AQP3: variants seen among roughly 807,000 people sequenced by gnomAD.
AQP3 encodes the protein aquaporin-3.
AQP3 carries 15 observed loss-of-function variants against 30.3 expected under a neutral mutation model. The ratio of observed to expected loss-of-function variants is 0.49; its 90% CI spans 0.33 to 0.76. The LOEUF (loss-of-function observed/expected upper bound fraction) is 0.76. Ranked by LOEUF, AQP3 falls within the 30% of genes least tolerant of loss-of-function variation. The probability of loss-of-function intolerance (pLI) is 0.02; values close to 1 mark genes in which losing one functional copy is unlikely to be tolerated. For synonymous variants in AQP3, 153 were observed against 163.2 expected (o/e 0.94, Z 0.47); for missense variants, 272 against 384.8 (o/e 0.71, Z 2.45).
At position 33,442,417 on chromosome 9, in the gene AQP3, C is replaced by T. The variant is rs757381367; in HGVS notation, c.594G>A (p.Val198=). 4.3e-6 allele frequency: 7 copies of T among 1,611,706 alleles called. No individual in the cohort carries two copies. The South Asian group carries it at 7.7e-5, about 18-fold the overall frequency. Residue 198 remains valine, a synonymous_variant, in exon 5 of 6, where the codon GTG becomes GTA. Coordinates refer to ENST00000297991, the MANE Select transcript of AQP3 (RefSeq NM_004925.5). ...RGLEAFTVGL[V]VLVIGTSMGF... ...CCATGGAGGTGCCAATGACCAGGACCACCAGGCCCACGGTGAAGGCCTCCA... is the reference window on the plus strand; with the variant it reads ...CCATGGAGGTGCCAATGACCAGGACTACCAGGCCCACGGTGAAGGCCTCCA...
At chr9:33,445,918 C>T (rs1351067339) in intron 1 of AQP3, among the ~76,000 whole-genome samples, 2 of 152,224 alleles carry the variant, frequency 1.3e-5, no homozygotes, top group Non-Finnish European at 2.9e-5. Context: ...TATCCAATAC[C>T]TCACATCCAT....
At chr9:33,447,297 C>G (rs541965037) in intron 1 of AQP3, 126 bp downstream of exon 1, 44 of 833,660 alleles carry the variant, frequency 5.3e-5, no homozygotes, top group East Asian at 3.5e-4. Flanking sequence ...CGCGGTTAAG[C>G]GTGGGGGTCA....
intron 1 of AQP3, among the ~76,000 whole-genome samples, chr9:33,445,237 C>A (rs187694928): frequency 1.4e-4 from 22 of 152,288 alleles, no homozygotes; most frequent in African/African-American, 5.1e-4. Context: ...CCTGAGTGTC[C>A]CTCAAAGCTG....
At position 33,442,216 on chromosome 9, in the gene AQP3, G is replaced by C. The variant is rs755265932; in HGVS notation, c.711-5C>G. 4.2e-5 allele frequency: 68 copies of C among 1,612,534 alleles called. No individual in the cohort carries two copies. The highest frequency in any genetic ancestry group is 1.2e-4 in the South Asian group (11 of 91,058). On this transcript the variant is annotated splice_polypyrimidine_tract_variant and splice_region_variant and intron_variant, in intron 5 of 5. Coordinates refer to ENST00000297991, the MANE Select transcript of AQP3 (RefSeq NM_004925.5). ...CACCACCAATGCTGGCCGGTCCTGG[G>C]GGGACAGACACTCATAGTCAGGGAC...
chr9:33,444,791 C>T (rs1826892527), intron 1 of AQP3, among the ~76,000 whole-genome samples: 2 of 151,948 alleles, frequency 1.3e-5, no homozygotes, highest in Non-Finnish European at 2.9e-5. Flanking sequence ...TGTCCCTGTC[C>T]CAGCGTCTCC....
At position 33,442,465 on chromosome 9, in the gene AQP3, G is replaced by A; in HGVS notation, c.546C>T (p.Tyr182=). The A allele has an allele frequency of 1.2e-6, 2 of 1,611,566 alleles. No individual in the cohort carries two copies. The highest frequency in any genetic ancestry group is 1.7e-6 in the Non-Finnish European group (2 of 1,179,304). The change falls in exon 5 of 6, where the codon TAC becomes TAT. Residue 182 remains tyrosine, a synonymous_variant. Coordinates refer to ENST00000297991, the MANE Select transcript of AQP3 (RefSeq NM_004925.5). ...IVCVLAIVDP[Y]NNPVPRGLEA... ...CCAGGCCTCGGGGGACGGGGTTGTT[G>A]TAGGGGTCAACAATGGCCAGCACAC...
chr9:33,446,925 G>C (rs897397623), intron 1 of AQP3, among the ~76,000 whole-genome samples: 4 of 152,096 alleles, frequency 2.6e-5, no homozygotes, highest in Non-Finnish European at 5.9e-5. Flanking sequence ...GCCCCCACTC[G>C]TGCAAACTGT....
At position 33,442,228 on chromosome 9, in the gene AQP3, TC is replaced by T; in HGVS notation, c.711-18del. 6.2e-7 allele frequency: 1 copy of T among 1,610,146 alleles called. No homozygotes were observed. The highest frequency in any genetic ancestry group is 8.5e-7 in the Non-Finnish European group (1 of 1,178,344). On this transcript the variant is annotated intron_variant, in intron 5 of 5. Coordinates refer to ENST00000297991, the MANE Select transcript of AQP3 (RefSeq NM_004925.5). ...TGGCCGGTCCTGGGGGGACAGACAC[TC>T]ATAGTCAGGGACATGGGGGGCAGGG...
At chr9:33,445,486 G>A (rs1222702484) in intron 1 of AQP3, among the ~76,000 whole-genome samples, 1 of 152,224 alleles carries the variant, frequency 6.6e-6, no homozygotes, top group Non-Finnish European at 1.5e-5. Flanking sequence ...GCAAAGATCA[G>A]AGATTGCAGG....
In AQP3 at chr9:33,441,679, G is replaced by T. The variant is rs1826833375; in HGVS notation, c.*364C>A. ...CCAATAGCCAGAATCCCTTCCGACT[G>T]GTCCCTTGCCCTGAATATCTGGGAA... is the stretch of plus-strand genomic sequence containing the variant. On this transcript the variant is annotated 3_prime_UTR_variant, in exon 6 of 6. Coordinates refer to ENST00000297991, the MANE Select transcript of AQP3 (RefSeq NM_004925.5). The T allele has an allele frequency of 1.4e-5, 6 of 419,618 alleles. No homozygotes were observed. The Admixed American group carries it at 1.6e-4, about 11-fold the overall frequency. 26.0% of individuals were successfully genotyped at this position (419,618 alleles called of 1,614,324 possible). A position where few individuals can be genotyped will look rare whatever the true frequency, so the allele number is the denominator to read the frequency against.
chr9:33,445,391 T>C (rs539409453), intron 1 of AQP3, among the ~76,000 whole-genome samples: 53 of 152,306 alleles, frequency 3.5e-4, no homozygotes, highest in African/African-American at 9.9e-4. Flanking sequence ...TAGTTAAGCA[T>C]TTTGATTATC....
intron 1 of AQP3, among the ~76,000 whole-genome samples, chr9:33,444,580 A>G (rs1385144056): frequency 6.7e-6 from 1 of 149,504 alleles, no homozygotes; most frequent in Admixed American, 6.8e-5. Flanking sequence ...AGCCTGGGCG[A>G]CAGAGCGGGA....
rs1432327611 is a variant in AQP3, at chr9:33,447,435, G to A, written c.96C>T (p.Thr32=). ...TCCCTCCACTCACCACCAGGATGAG[G>A]GTCCCCAGGCACTCGGCCAGCGCCT... is the stretch of plus-strand genomic sequence containing the variant. ...LRQALAECLG[T]LILVMFGCGS... is the part of the protein sequence containing the mutation. The change falls in exon 1 of 6, where the codon ACC becomes ACT. Residue 32 remains threonine (T), a synonymous_variant. Coordinates refer to ENST00000297991, the MANE Select transcript of AQP3 (RefSeq NM_004925.5). 1 of 1,604,314 alleles carries A rather than the reference G, an allele frequency of 6.2e-7. No individual in the cohort carries two copies. Among genetic ancestry groups the A allele is most frequent in the Non-Finnish European group, 8.5e-7 (1 of 1,176,050 alleles).
At chr9:33,447,300 G>A (rs1426254106) in intron 1 of AQP3, 123 bp downstream of exon 1, 2 of 848,628 alleles carry the variant, frequency 2.4e-6, no homozygotes, top group Non-Finnish European at 3.9e-6. Flanking sequence ...GGTTAAGCGT[G>A]GGGGTCACAG....
rs796541091 is a variant in AQP3, at chr9:33,441,727, CTGCACACACATGCACACACA to C, written c.*296_*315del. 3,048 of 520,650 alleles carry C rather than the reference CTGCACACACATGCACACACA, an allele frequency of 5.9e-3. 73 individuals are homozygous for C. The highest frequency in any genetic ancestry group is 0.053 in the African/African-American group (2,747 of 51,540). 32.3% of individuals were successfully genotyped at this position (520,650 alleles called of 1,614,324 possible). ...GAACCCCCCCCACACACACACACCCCTGCACACACATGCACACACATGCACACACATGCACACACACACAT... is the reference window on the plus strand; with the variant it reads ...GAACCCCCCCCACACACACACACCCCTGCACACACATGCACACACACACAT... On this transcript the variant is annotated 3_prime_UTR_variant, in exon 6 of 6. Transcript: ENST00000297991.
Position 33,442,823 on chromosome 9 carries a change from C to T in AQP3, c.492+29G>A, listed in dbSNP as rs367547761. 50 of 1,599,176 alleles carry T rather than the reference C, an allele frequency of 3.1e-5. No homozygotes were observed. In the African/African-American group the frequency reaches 5.5e-4, roughly 18 times the overall value. On this transcript the variant is annotated intron_variant, in intron 4 of 5. Transcript: ENST00000297991. ...CCAAGGCAACTCGGTCCCCTCCCTG[C>T]GTTCCCCTCACACGTCCCCAGCCCA...
At chr9:33,442,601 T>G in intron 4 of AQP3, 83 bp from the exon 5 acceptor site, 1 of 1,396,814 alleles carries the variant, frequency 7.2e-7, no homozygotes, top group Non-Finnish European at 9.9e-7. Context: ...TCCCTCTAGC[T>G]CTTAAACTCT....
In AQP3 at chr9:33,441,861, G is replaced by A; in HGVS notation, c.*182C>T. 2 of 965,660 alleles carry A rather than the reference G, an allele frequency of 2.1e-6. No individual in the cohort carries two copies. Among genetic ancestry groups the A allele is most frequent in the Non-Finnish European group, 3.1e-6 (2 of 643,858 alleles). 59.8% of individuals were successfully genotyped at this position (965,660 alleles called of 1,614,324 possible). On this transcript the variant is annotated 3_prime_UTR_variant, in exon 6 of 6. Coordinates refer to ENST00000297991, the MANE Select transcript of AQP3 (RefSeq NM_004925.5). ...CCCCAGCTTAGGGGCAGTGGCCTAA[G>A]GTGCTATTTGGGCAAGGTCCAGTGG...
rs1250691253 is a variant in AQP3 at position 33,442,483 on chromosome 9, C to G, written c.528G>C (p.Leu176=). ...GGTTGTTGTAGGGGTCAACAATGGC[C>G]AGCACACACACGATAAGGGAGGCTG... ...IGTASLIVCV[L]AIVDPYNNPV... is the part of the protein sequence containing the mutation. The change falls in exon 5 of 6, where the codon CTG becomes CTC. Residue 176 remains leucine (L), a synonymous_variant. Coordinates refer to ENST00000297991, the MANE Select transcript of AQP3 (RefSeq NM_004925.5). 1.9e-6 allele frequency: 3 copies of G among 1,610,756 alleles called. No individual in the cohort carries two copies. The highest frequency in any genetic ancestry group is 1.7e-5 in the Admixed American group (1 of 59,382).
Sources: gnomAD v4.1 joint callset for allele counts (sites outside exome capture counted in the v4.1 genomes callset) on GRCh38, gnomAD v4.1.1 for gene constraint, MANE v1.5 for transcripts, NCBI Gene and HGNC (gene_info 2026-07-23, HGNC 2026-07-21) for gene names.